The following HSPA12A variants were observed in gnomAD, a reference collection of about 807,000 sequenced individuals.
HSPA12A encodes heat shock 70 kDa protein 12A.
In HSPA12A, 28 loss-of-function variants were observed where a neutral mutation model predicts 69.2. That is an observed-to-expected ratio of 0.40 (90% CI 0.30 to 0.55). The LOEUF is 0.55. HSPA12A is among the 20% of genes least tolerant of loss of function. The pLI, the probability that HSPA12A is intolerant of heterozygous loss-of-function variation, is 0.38. For missense variants in HSPA12A, 686 were observed against 900.7 expected (o/e 0.76, Z 3.05); for synonymous variants, 345 against 370.5 (o/e 0.93, Z 0.79).
chr10:116,841,693 G>T (rs1845803411), intron 1 of HSPA12A, among the ~76,000 whole-genome samples: 2 of 152,010 alleles, frequency 1.3e-5, no homozygotes, highest in African/African-American at 4.8e-5. Context: ...TGCCTAAAAT[G>T]ATTTTATTTG....
chr10:116,742,511 C>T lies in HSPA12A; in HGVS notation c.-42G>A, dbSNP rs1462031605. On this transcript the variant is annotated 5_prime_UTR_variant, in exon 1 of 12. Coordinates refer to ENST00000369209, the MANE Select transcript of HSPA12A (RefSeq NM_025015.3). Reference sequence around the variant, plus strand: ...ACCGCGAGGGGAGCCTCCAGCGCAGCGCCCGTGCCCGTGCGGGTCTCTGTC... The same window carrying T: ...ACCGCGAGGGGAGCCTCCAGCGCAGTGCCCGTGCCCGTGCGGGTCTCTGTC... The T allele has an allele frequency of 8.1e-6, 10 of 1,236,024 alleles. No homozygotes were observed. The African/African-American group carries it at 1.1e-4, about 14-fold the overall frequency. 76.6% of individuals were successfully genotyped at this position (1,236,024 alleles called of 1,614,324 possible). A position where few individuals can be genotyped will look rare whatever the true frequency, so the allele number is the denominator to read the frequency against.
At chr10:116,834,096 G>A (rs1019092401) in intron 2 of HSPA12A, among the ~76,000 whole-genome samples, 3 of 152,258 alleles carry the variant, frequency 2.0e-5, no homozygotes, top group Admixed American at 6.5e-5. Flanking sequence ...CTCAGATCTC[G>A]CCAGGCCCCT....
intron 1 of HSPA12A, among the ~76,000 whole-genome samples, chr10:116,843,640 C>A (rs947569877): frequency 1.3e-5 from 2 of 152,214 alleles, no homozygotes; most frequent in African/African-American, 4.8e-5. Context: ...TGGCTTCATC[C>A]ATCAACAAAC....
chr10:116,834,842 A>T, intron 2 of HSPA12A: 1 of 652,932 alleles, frequency 1.5e-6, no homozygotes, highest in Non-Finnish European at 2.1e-6. Flanking sequence ...TCCCAGTTTT[A>T]AACATACCTA....
intron 5 of HSPA12A, among the ~76,000 whole-genome samples, chr10:116,697,536 T>C (rs1263849859): frequency 1.3e-5 from 2 of 152,182 alleles, no homozygotes; most frequent in Non-Finnish European, 2.9e-5. Context: ...GGGCACTGCA[T>C]GTCCAGTCCC....
chr10:116,675,606 A>G lies in HSPA12A; in HGVS notation c.1391-188T>C, dbSNP rs906806286. On this transcript the variant is annotated intron_variant, in intron 11 of 11. Coordinates refer to ENST00000369209, the MANE Select transcript of HSPA12A (RefSeq NM_025015.3). This position sits in a 1 kb window ranked among gnomAD's most constrained non-coding sequence, Gnocchi z 5.2. ...TTAAAGAAAGGGAGTTTGCACACCA[A>G]TATGTTCCGGAATAAAAGCCAGAGC... 2.0e-5 allele frequency among the ~76,000 whole-genome samples: 3 copies of G among 152,212 alleles called. No individual in the cohort carries two copies. Among genetic ancestry groups the G allele is most frequent in the Admixed American group, 6.5e-5 (1 of 15,286 alleles).
In HSPA12A at chr10:116,712,157, A is replaced by T. The variant is rs1286150062; in HGVS notation, c.41-4872T>A. On this transcript the variant is annotated intron_variant, in intron 1 of 11. Transcript: ENST00000369209. ...TCCTTTGCTATTAGCTACGTGTTAG[A>T]TAATTTAACATCACTTCAGTCTTGC... is the stretch of plus-strand genomic sequence containing the variant. 2.0e-5 allele frequency among the ~76,000 whole-genome samples: 3 copies of T among 152,326 alleles called. No individual in the cohort carries two copies. In the South Asian group the frequency reaches 6.2e-4, roughly 32 times the overall value.
At chr10:116,832,899 ATC>A (rs1326259113) in intron 2 of HSPA12A, 2 of 152,274 alleles carry the variant, frequency 1.3e-5, no homozygotes, top group Non-Finnish European at 2.9e-5. Context: ...GACATCAGCA[ATC>A]TGTTTTGCTG....
intron 1 of HSPA12A, among the ~76,000 whole-genome samples, chr10:116,838,097 T>C (rs1762944469): frequency 6.6e-6 from 1 of 152,162 alleles, no homozygotes; most frequent in African/African-American, 2.4e-5. Flanking sequence ...AAATAGATAG[T>C]AAGCGGTAAA....
intron 1 of HSPA12A, 21 bp from the exon 2 acceptor site, chr10:116,707,306 G>A (rs374512448): frequency 1.3e-4 from 211 of 1,585,108 alleles, no homozygotes; most frequent in Admixed American, 2.9e-4. Flanking sequence ...AAACAAAGCC[G>A]CCTCCTTAGA....
In HSPA12A at chr10:116,750,292, T is replaced by A. The variant is rs529391201; in HGVS notation, c.92-43007A>T. ...TGGAGGTGACTGGTGATGAATACAA[T>A]GTAGAAAGCACTTATGGTCAGCCTG... On this transcript the variant is annotated intron_variant, in intron 2 of 12. Transcript: ENST00000635765. 7.5e-6 allele frequency: 6 copies of A among 801,866 alleles called. No homozygotes were observed. In the African/African-American group the frequency reaches 8.4e-5, roughly 11 times the overall value. The allele number at this position is 801,866 out of a possible 1,614,324, so 49.7% of individuals were successfully genotyped here.
intron 2 of HSPA12A, among the ~76,000 whole-genome samples, chr10:116,822,653 A>T (rs187769362): frequency 1.5e-3 from 225 of 152,326 alleles, no homozygotes; most frequent in African/African-American, 5.1e-3. Context: ...TAATGTTCTC[A>T]GAGAGAGGTT....
At chr10:116,841,495 T>C (rs1285884448) in intron 1 of HSPA12A, among the ~76,000 whole-genome samples, 1 of 152,222 alleles carries the variant, frequency 6.6e-6, no homozygotes, top group African/African-American at 2.4e-5. Flanking sequence ...ACATTATCCC[T>C]TGTCAGCATT....
intron 2 of HSPA12A, among the ~76,000 whole-genome samples, chr10:116,778,869 A>T (rs1286493993): frequency 6.6e-6 from 1 of 152,176 alleles, no homozygotes; most frequent in Non-Finnish European, 1.5e-5. Context: ...CAGGACGCTG[A>T]GGCTGCAGTG....
At chr10:116,782,383 C>T (rs1844482338) in intron 2 of HSPA12A, among the ~76,000 whole-genome samples, 1 of 152,192 alleles carries the variant, frequency 6.6e-6, no homozygotes, top group Admixed American at 6.5e-5. Flanking sequence ...GTGCCTGTGC[C>T]CAAGCCTGCG....
chr10:116,836,096 C>T (rs1872217), intron 1 of HSPA12A, among the ~76,000 whole-genome samples: 9,964 of 152,168 alleles, frequency 0.065, 1,053 homozygotes, highest in African/African-American at 0.22. Flanking sequence ...CAAATTGAAC[C>T]GAACAGTGCT....
At chr10:116,809,108 A>G (rs1287938937) in intron 2 of HSPA12A, among the ~76,000 whole-genome samples, 1 of 151,958 alleles carries the variant, frequency 6.6e-6, no homozygotes, top group East Asian at 1.9e-4. Flanking sequence ...GGGAAGGGGG[A>G]GGATGAGGCA....
chr10:116,690,014 C>T (rs969541525), intron 6 of HSPA12A, among the ~76,000 whole-genome samples: 1 of 152,212 alleles, frequency 6.6e-6, no homozygotes, highest in African/African-American at 2.4e-5. Flanking sequence ...GACTAAATAT[C>T]TGGCATCCTG....
chr10:116,790,061 T>TCC (rs1338460193), intron 2 of HSPA12A, among the ~76,000 whole-genome samples: 1 of 149,106 alleles, frequency 6.7e-6, no homozygotes. Context: ...GGCCCAGGAA[T>TCC]CCCTGCATGG....
Sources: allele counts gnomAD v4.1 joint callset (sites outside exome capture counted in the v4.1 genomes callset), GRCh38; gene constraint gnomAD v4.1.1; non-coding constraint Gnocchi (gnomAD v3.1); transcripts MANE v1.5; gene names NCBI Gene and HGNC (gene_info 2026-07-23, HGNC 2026-07-21).